Variants in KHDRBS2 observed in about 807,000 individuals in gnomAD.
KHDRBS2 encodes KH domain-containing, RNA-binding, signal transduction-associated protein 2.
A neutral mutation model predicts 44.3 loss-of-function variants in KHDRBS2; 26 were observed. The ratio of observed to expected loss-of-function variants is 0.59; its 90% CI spans 0.43 to 0.81. The LOEUF is 0.81. Ranked by LOEUF, KHDRBS2 falls within the 40% of genes least tolerant of loss-of-function variation. The pLI, the probability that KHDRBS2 is intolerant of heterozygous loss-of-function variation, is 0.00. For synonymous variants in KHDRBS2, 194 were observed against 151.1 expected (o/e 1.28, Z -2.08); for missense variants, 476 against 433.1 (o/e 1.10, Z -0.88).
intron 2 of KHDRBS2, among the ~76,000 whole-genome samples, chr6:62,132,702 A>T (rs1810608962): frequency 6.6e-6 from 1 of 152,214 alleles, no homozygotes; most frequent in African/African-American, 2.4e-5. Flanking sequence ...AAAGATGCTT[A>T]GTAGAAACAT....
At chr6:61,829,184 C>T (rs1463647439) in intron 6 of KHDRBS2, among the ~76,000 whole-genome samples, 8 of 152,276 alleles carry the variant, frequency 5.3e-5, no homozygotes, top group South Asian at 2.1e-4. Context: ...GTTGTTGAGA[C>T]GCAGTCTCGC....
chr6:61,871,903 T>C (rs1798710712), intron 6 of KHDRBS2, among the ~76,000 whole-genome samples: 1 of 125,364 alleles, frequency 8.0e-6, no homozygotes, highest in African/African-American at 3.1e-5. Flanking sequence ...TGAGTACACA[T>C]GGACACAGGG....
At chr6:61,633,813 C>T in the KHDRBS2 span, among the ~76,000 whole-genome samples, 1 of 151,500 alleles carries the variant, frequency 6.6e-6, no homozygotes, top group Non-Finnish European at 1.5e-5. Context: ...TTATATTACT[C>T]AAGTGTTGAA....
intron 2 of KHDRBS2, among the ~76,000 whole-genome samples, chr6:62,123,488 T>C (rs1808199549): frequency 6.6e-6 from 1 of 152,242 alleles, no homozygotes; most frequent in South Asian, 2.1e-4. Flanking sequence ...TCTTCTACAA[T>C]GGTTGAACTG....
chr6:61,877,413 G>A (rs1470772878), intron 6 of KHDRBS2, among the ~76,000 whole-genome samples: 1 of 151,476 alleles, frequency 6.6e-6, no homozygotes, highest in Non-Finnish European at 1.5e-5. Flanking sequence ...GGAAGATGAT[G>A]TTTCTTAGTA....
At chr6:61,610,415 C>A in the KHDRBS2 span, among the ~76,000 whole-genome samples, 7 of 152,100 alleles carry the variant, frequency 4.6e-5, no homozygotes, top group Non-Finnish European at 8.8e-5. Flanking sequence ...AAATTATAAT[C>A]TCACTTTTTT....
chr6:61,662,493 T>C, the KHDRBS2 span, among the ~76,000 whole-genome samples: 2 of 152,138 alleles, frequency 1.3e-5, no homozygotes, highest in African/African-American at 4.8e-5. Context: ...TTTTGCAATG[T>C]ACTCATCTGA....
chr6:62,116,132 C>T (rs1042907507), intron 2 of KHDRBS2, among the ~76,000 whole-genome samples: 2 of 152,000 alleles, frequency 1.3e-5, no homozygotes, highest in African/African-American at 4.8e-5. Flanking sequence ...TGTATGCATA[C>T]AAACTGGAAG....
chr6:61,926,820 G>GAAACAA (rs70993186), intron 4 of KHDRBS2, among the ~76,000 whole-genome samples: 1,576 of 151,178 alleles, frequency 0.01, 28 homozygotes, highest in African/African-American at 0.037. Context: ...ATATCACCCA[G>GAAACAA]AAACTTCAAA....
chr6:62,000,828 T>C (rs1489090075), intron 3 of KHDRBS2, among the ~76,000 whole-genome samples: 1 of 152,108 alleles, frequency 6.6e-6, no homozygotes. Context: ...TTTCAAACAA[T>C]TCAAAATTGG....
chr6:61,815,732 C>T (rs893731683), intron 6 of KHDRBS2, among the ~76,000 whole-genome samples: 6 of 152,116 alleles, frequency 3.9e-5, no homozygotes, highest in African/African-American at 1.4e-4. Context: ...AATTAATATA[C>T]TCAACCAAGC....
At chr6:62,217,267 T>C (rs1378828411) in intron 1 of KHDRBS2, among the ~76,000 whole-genome samples, 1 of 151,622 alleles carries the variant, frequency 6.6e-6, no homozygotes, top group African/African-American at 2.4e-5. Context: ...CAATCCTATA[T>C]TCAAATGACC....
At chr6:61,892,094 G>A (rs372794634) in intron 6 of KHDRBS2, among the ~76,000 whole-genome samples, 93 of 151,890 alleles carry the variant, frequency 6.1e-4, no homozygotes, top group African/African-American at 1.8e-3. Flanking sequence ...ACAAGCATTC[G>A]TATACACCAA....
At chr6:61,848,891 TCTTTACATAAA>T (rs543862646) in intron 6 of KHDRBS2, among the ~76,000 whole-genome samples, 5 of 152,088 alleles carry the variant, frequency 3.3e-5, no homozygotes, top group Admixed American at 2.6e-4. Flanking sequence ...AATAAATGTA[TCTTTACATAAA>T]CTTTACATAA....
At chr6:61,901,609 C>T (rs1318267649) in intron 4 of KHDRBS2, among the ~76,000 whole-genome samples, 1 of 152,080 alleles carries the variant, frequency 6.6e-6, no homozygotes, top group Non-Finnish European at 1.5e-5. Flanking sequence ...AGCAGGACAT[C>T]ACATTAGATT....
At chr6:62,061,568 T>A (rs1318269882) in intron 2 of KHDRBS2, among the ~76,000 whole-genome samples, 2 of 150,288 alleles carry the variant, frequency 1.3e-5, no homozygotes, top group Non-Finnish European at 3.0e-5. Context: ...GGCTTCCCTT[T>A]GAGGGTAACC....
At chr6:61,575,006 A>T in the KHDRBS2 span, among the ~76,000 whole-genome samples, 2 of 152,222 alleles carry the variant, frequency 1.3e-5, no homozygotes, top group Admixed American at 1.3e-4. Flanking sequence ...AAACTATAAA[A>T]ATTCTAAAAG....
chr6:61,660,231 T>G, the KHDRBS2 span, among the ~76,000 whole-genome samples: 1 of 151,926 alleles, frequency 6.6e-6, no homozygotes, highest in Non-Finnish European at 1.5e-5. Flanking sequence ...CGTGGAACTC[T>G]GAAAAGAGTT....
At chr6:62,255,358 C>T (rs1294963348) in intron 1 of KHDRBS2, among the ~76,000 whole-genome samples, 2 of 151,928 alleles carry the variant, frequency 1.3e-5, no homozygotes, top group Non-Finnish European at 2.9e-5. Flanking sequence ...TGATTGGATG[C>T]TAAATAAGTG....
Sources: allele counts gnomAD v4.1 joint callset (sites outside exome capture counted in the v4.1 genomes callset), GRCh38; gene constraint gnomAD v4.1.1; transcripts MANE v1.5; gene names NCBI Gene and HGNC (gene_info 2026-07-23, HGNC 2026-07-21).